The following SPIRE2 variants were observed in gnomAD, a reference collection of about 807,000 sequenced individuals.
SPIRE2 encodes spire type actin nucleation factor 2.
SPIRE2 carries 76 observed loss-of-function variants against 80.7 expected under a neutral mutation model. That is an observed-to-expected ratio of 0.94 (90% CI 0.78 to 1.14). The LOEUF (loss-of-function observed/expected upper bound fraction) is 1.14, where lower values mean the gene tolerates loss of function less well. Ranked by LOEUF, SPIRE2 falls within the 50% of genes most tolerant of loss-of-function variation. The pLI, the probability that SPIRE2 is intolerant of heterozygous loss-of-function variation, is 0.00. For missense variants in SPIRE2, 1,196 were observed against 1,015.3 expected (o/e 1.18, Z -2.42); for synonymous variants, 535 against 432.6 (o/e 1.24, Z -2.94).
rs371646113 is a variant in SPIRE2, at chr16:89,856,232, C to T, written c.1098C>T (p.Ala366=). Residue 366 remains alanine, a synonymous_variant, in exon 7 of 15, where the codon GCC becomes GCT. Transcript: ENST00000378247. Reference sequence around the variant, plus strand: ...CGGTGCGGGGCGAGGGCTGGGCTGCCCGCGGTGAGTGAGGGGATGGCAGGA... The same window carrying T: ...CGGTGCGGGGCGAGGGCTGGGCTGCTCGCGGTGAGTGAGGGGATGGCAGGA... ...LRPVRGEGWA[A]RGFGSLPCIL... The T allele has an allele frequency of 1.2e-4, 192 of 1,571,558 alleles. No individual in the cohort carries two copies. Among genetic ancestry groups the T allele is most frequent in the Non-Finnish European group, 1.5e-4 (173 of 1,159,430 alleles).
At chr16:89,842,538 T>C (rs2041515687) in intron 1 of SPIRE2, among the ~76,000 whole-genome samples, 1 of 152,154 alleles carries the variant, frequency 6.6e-6, no homozygotes, top group Admixed American at 6.6e-5. Flanking sequence ...TGATACAACT[T>C]TTTTTGTTAA....
chr16:89,870,456 A>C lies in SPIRE2; in HGVS notation c.*184A>C. 1 of 538,816 alleles carries C rather than the reference A, an allele frequency of 1.9e-6. No homozygotes were observed. The highest frequency in any genetic ancestry group is 3.3e-6 in the Non-Finnish European group (1 of 302,798). 33.4% of individuals were successfully genotyped at this position (538,816 alleles called of 1,614,324 possible). A position where few individuals can be genotyped will look rare whatever the true frequency, so the allele number is the denominator to read the frequency against. On this transcript the variant is annotated 3_prime_UTR_variant, in exon 15 of 15. Transcript: ENST00000378247. Reference sequence around the variant, plus strand: ...TCATTTGGGTTCAGGCGCACTTCAAAACCCTCCCTGGGGGAGGCTGTTTCT... The same window carrying C: ...TCATTTGGGTTCAGGCGCACTTCAACACCCTCCCTGGGGGAGGCTGTTTCT...
chr16:89,835,086 T>C (rs1184057968), intron 1 of SPIRE2, among the ~76,000 whole-genome samples: 2 of 138,772 alleles, frequency 1.4e-5, no homozygotes, highest in African/African-American at 5.5e-5. Flanking sequence ...GCACTCGCAG[T>C]TGGCCGTCGT....
chr16:89,870,271 G>C lies in SPIRE2; in HGVS notation c.2144G>C (p.Ter715SerextTer22). The change falls in exon 15 of 15, where the codon TGA becomes TCA. Residue 715 changes from the stop codon to serine, a stop_lost. Transcript: ENST00000378247. ...IPNTRTLDFK* is the reference protein window; with the variant it reads ...IPNTRTLDFKS ...AACACCAGGACTCTTGACTTCAAGT[G>C]ACAGCCCCAGGTGGCCAGGCCTCCA... 1 of 1,587,298 alleles carries C rather than the reference G, an allele frequency of 6.3e-7. No individual in the cohort carries two copies. The highest frequency in any genetic ancestry group is 8.6e-7 in the Non-Finnish European group (1 of 1,166,820).
At chr16:89,847,693 C>G (rs2041576171) in intron 2 of SPIRE2, among the ~76,000 whole-genome samples, 1 of 152,196 alleles carries the variant, frequency 6.6e-6, no homozygotes, top group East Asian at 1.9e-4. Flanking sequence ...GCAGTACTGC[C>G]CACCTGCTGC....
chr16:89,840,424 G>C (rs1003462035), intron 1 of SPIRE2, among the ~76,000 whole-genome samples: 1 of 150,226 alleles, frequency 6.7e-6, no homozygotes, highest in Non-Finnish European at 1.5e-5. Flanking sequence ...TAATTTTTTA[G>C]ATTTTTAGTA....
At chr16:89,861,252 G>T (rs1166037084) in intron 10 of SPIRE2, among the ~76,000 whole-genome samples, 3 of 152,176 alleles carry the variant, frequency 2.0e-5, no homozygotes, top group Non-Finnish European at 4.4e-5. Flanking sequence ...GGCCCACGTG[G>T]ACCTGAGTTC....
At chr16:89,846,827 T>TA (rs397747101) in intron 2 of SPIRE2, 9 of 140,582 alleles carry the variant, frequency 6.4e-5, no homozygotes, top group East Asian at 2.1e-4. Context: ...TTTTTTTTTT[T>TA]AGATCTACCC....
rs370348267 is a variant in SPIRE2 at position 89,854,611 on chromosome 16, A to G, written c.851A>G (p.Gln284Arg). 9 of 1,597,066 alleles carry G rather than the reference A, an allele frequency of 5.6e-6. No individual in the cohort carries two copies. Among genetic ancestry groups the G allele is most frequent in the Non-Finnish European group, 6.8e-6 (8 of 1,170,036 alleles). The change falls in exon 5 of 15, where the codon CAG (glutamine) becomes CGG (arginine). Residue 284 changes from glutamine (Q) to arginine (R), a missense_variant. Transcript: ENST00000378247. ...FQLTPFEMLMQDIRARNYKLR... is the reference protein window; with the variant it reads ...FQLTPFEMLMRDIRARNYKLR... ...CTCACGCCCTTCGAGATGCTGATGC[A>G]GGACATCCGGGCCCGGAACTACAAG... is the stretch of plus-strand genomic sequence containing the variant.
intron 3 of SPIRE2, among the ~76,000 whole-genome samples, chr16:89,851,110 C>G (rs1036803784): frequency 6.6e-6 from 1 of 152,160 alleles, no homozygotes; most frequent in African/African-American, 2.4e-5. Flanking sequence ...CATGAGCCAC[C>G]ACGCCTGGCC....
At chr16:89,843,224 G>C (rs559911737) in intron 1 of SPIRE2, among the ~76,000 whole-genome samples, 7 of 152,280 alleles carry the variant, frequency 4.6e-5, no homozygotes, top group African/African-American at 1.7e-4. Context: ...CCCCACTCCT[G>C]GCACTTATCA....
At chr16:89,841,316 C>A (rs1003538371) in intron 1 of SPIRE2, among the ~76,000 whole-genome samples, 1 of 152,170 alleles carries the variant, frequency 6.6e-6, no homozygotes, top group Non-Finnish European at 1.5e-5. Flanking sequence ...TTCTGCCTCC[C>A]ACCTTAGCAT....
intron 3 of SPIRE2, among the ~76,000 whole-genome samples, chr16:89,851,818 C>T (rs1035049207): frequency 3.3e-5 from 5 of 152,210 alleles, no homozygotes; most frequent in African/African-American, 1.2e-4. Flanking sequence ...AAGGTGTTTT[C>T]GAAGTTAACT....
At chr16:89,841,658 A>C (rs540643603) in intron 1 of SPIRE2, among the ~76,000 whole-genome samples, 1 of 152,144 alleles carries the variant, frequency 6.6e-6, no homozygotes, top group East Asian at 1.9e-4. Flanking sequence ...TTATGGCACC[A>C]ACCTTTATGG....
chr16:89,844,639 C>T (rs927539639), intron 1 of SPIRE2, among the ~76,000 whole-genome samples: 3 of 152,130 alleles, frequency 2.0e-5, no homozygotes, highest in Admixed American at 6.6e-5. Context: ...GGGGTTTCAC[C>T]GTGTTAGCCA....
intron 1 of SPIRE2, among the ~76,000 whole-genome samples, chr16:89,843,698 G>GTTTTTTTTTT (rs568062812): frequency 2.0e-3 from 37 of 18,200 alleles, no homozygotes; most frequent in East Asian, 0.028. Flanking sequence ...TTTGTTTTTT[G>GTTTTTTTTTT]TTTTTTTTTT....
At chr16:89,854,451 T>C (rs757215035) in intron 4 of SPIRE2, 36 bp from the exon 5 acceptor site, 3 of 1,610,850 alleles carry the variant, frequency 1.9e-6, no homozygotes, top group Non-Finnish European at 2.5e-6. Context: ...GAGCTTCACC[T>C]GGGGCTGAGA....
At chr16:89,832,846 A>G (rs2041399717) in intron 1 of SPIRE2, among the ~76,000 whole-genome samples, 1 of 151,870 alleles carries the variant, frequency 6.6e-6, no homozygotes, top group Non-Finnish European at 1.5e-5. Context: ...TTTGGGACAG[A>G]GTTTCGCTCT....
At chr16:89,850,024 G>C in intron 2 of SPIRE2, 2 of 523,982 alleles carry the variant, frequency 3.8e-6, no homozygotes, top group Non-Finnish European at 7.1e-6. Context: ...TTTTAGTAGA[G>C]ACGGGGTTTC....
Sources: allele counts gnomAD v4.1 joint callset (sites outside exome capture counted in the v4.1 genomes callset), GRCh38; gene constraint gnomAD v4.1.1; transcripts MANE v1.5; gene names NCBI Gene and HGNC (gene_info 2026-07-23, HGNC 2026-07-21).